IBTK: variants seen among roughly 807,000 people sequenced by gnomAD.
IBTK encodes BTK-binding protein.
A neutral mutation model predicts 154.9 loss-of-function variants in IBTK; 83 were observed. That is an observed-to-expected ratio of 0.54 (90% CI 0.45 to 0.64). IBTK has a LOEUF of 0.64. Ranked by LOEUF, IBTK falls within the 30% of genes least tolerant of loss-of-function variation. The pLI is 0.00. For synonymous variants in IBTK, 515 were observed against 536.1 expected (o/e 0.96, Z 0.54); for missense variants, 1,332 against 1,584.6 (o/e 0.84, Z 2.71).
At chr6:82,222,205 A>C (rs1206579145) in intron 8 of IBTK, among the ~76,000 whole-genome samples, 4 of 152,028 alleles carry the variant, frequency 2.6e-5, no homozygotes, top group Non-Finnish European at 5.9e-5. Context: ...TACTCAAAGA[A>C]GGTAAGTTTT....
chr6:82,207,914 T>C (rs953245310), intron 16 of IBTK, among the ~76,000 whole-genome samples: 1 of 151,922 alleles, frequency 6.6e-6, no homozygotes, highest in African/African-American at 2.4e-5. Context: ...TCACAACAAA[T>C]ACAAAAAATA....
chr6:82,227,278 C>A lies in IBTK; in HGVS notation c.568G>T (p.Val190Leu), dbSNP rs762945672. The change falls in exon 5 of 29, where the codon GTG (valine) becomes TTG (leucine). Residue 190 changes from valine (V) to leucine (L), a missense_variant. Physicochemically the swap from Val to Leu is conservative, Grantham distance 32. Transcript: ENST00000306270. ...KQVVLCKFHS[V>L]FLSQKGQVYT... ...ACCTGCCCTTTCTGAGACAGAAACA[C>A]GGAGTGAAATTTACAAAGCACCACC... The A allele has an allele frequency of 1.2e-6, 2 of 1,607,170 alleles. No individual in the cohort carries two copies. The highest frequency in any genetic ancestry group is 1.1e-5 in the South Asian group (1 of 89,556).
rs1267297180 is a variant in IBTK at position 82,214,404 on chromosome 6, T to G, written c.2027A>C (p.Asp676Ala). The change falls in exon 12 of 29, where the codon GAT becomes GCT. Residue 676 changes from aspartate to alanine, a missense_variant. Asp to Ala is a moderately radical substitution (Grantham distance 126). Transcript: ENST00000306270. ...TTCAAATGCAGACTTCTGGTTATCA[T>G]CTTCATGGAAATTCACTTTATTCAA... ...SHLNKVNFHE[D>A]DNQKSAFEVY... 5 of 1,613,910 alleles carry G rather than the reference T, an allele frequency of 3.1e-6. No individual in the cohort carries two copies. The highest frequency in any genetic ancestry group is 4.2e-6 in the Non-Finnish European group (5 of 1,179,932).
At position 82,181,909 on chromosome 6, in the gene IBTK, A is replaced by C. The variant is rs147509661; in HGVS notation, c.3695T>G (p.Ile1232Ser). ...DHVKKVSFKG[I>S]ENSQAPKIVR... ...AATTTTTGGTGCCTGAGAATTTTCA[A>C]TTCCTTTAAAAGAAACTTTTTTGAC... The change falls in exon 26 of 29, where the codon ATT becomes AGT. Residue 1232 changes from isoleucine (I) to serine (S), a missense_variant. This residue lies in a region of IBTK where 1,134 missense variants were observed against 1,274.7 expected (regional missense o/e 0.89). Transcript: ENST00000306270. The C allele has an allele frequency of 2.0e-5, 32 of 1,583,830 alleles. No homozygotes were observed. The African/African-American group carries it at 3.4e-4, about 17-fold the overall frequency.
chr6:82,197,926 C>A (rs1489949884), intron 21 of IBTK, among the ~76,000 whole-genome samples: 2 of 152,138 alleles, frequency 1.3e-5, no homozygotes, highest in Non-Finnish European at 2.9e-5. Context: ...CTTAACAGGT[C>A]TTTTTGGCCT....
At position 82,240,735 on chromosome 6, in the gene IBTK, CCA is replaced by C. The variant is rs774955692; in HGVS notation, c.-251_-250del. On this transcript the variant is annotated 5_prime_UTR_variant, in exon 2 of 29. Coordinates refer to ENST00000306270, the MANE Select transcript of IBTK (RefSeq NM_015525.4). ...TACAAGTTCTTCATTTAAAAAAATT[CCA>C]CAGTTTATAAATTATTCCTGGAGTC... 2.1e-6 allele frequency: 1 copy of C among 478,878 alleles called. No individual in the cohort carries two copies. The highest frequency in any genetic ancestry group is 4.7e-5 in the South Asian group (1 of 21,252). The allele number at this position is 478,878 out of a possible 1,614,324, so 29.7% of individuals were successfully genotyped here. A position where few individuals can be genotyped will look rare whatever the true frequency, so the allele number is the denominator to read the frequency against.
chr6:82,192,060 TATAA>T (rs1289810065), intron 23 of IBTK, among the ~76,000 whole-genome samples, 181 bp from the exon 24 acceptor site: 1 of 152,164 alleles, frequency 6.6e-6, no homozygotes, highest in Admixed American at 6.5e-5. Flanking sequence ...TATACACATA[TATAA>T]ATATTAACTA....
chr6:82,204,503 G>C (rs1477201128), intron 17 of IBTK, among the ~76,000 whole-genome samples: 1 of 151,962 alleles, frequency 6.6e-6, no homozygotes, highest in African/African-American at 2.4e-5. Context: ...GTAGAAAATG[G>C]GTAGCTAAAA....
In IBTK at chr6:82,223,441, T is replaced by C; in HGVS notation, c.1123A>G (p.Lys375Glu). The C allele has an allele frequency of 6.2e-7, 1 of 1,609,224 alleles. No homozygotes were observed. The highest frequency in any genetic ancestry group is 2.2e-5 in the East Asian group (1 of 44,790). The change falls in exon 8 of 29, where the codon AAA becomes GAA. Residue 375 changes from lysine (K) to glutamate (E), a missense_variant and splice_region_variant. Physicochemically the swap from Lys to Glu is moderately conservative, Grantham distance 56. Transcript: ENST00000306270. ...ADYQCKKMAS[K>E]QLNLKKVLVS... The stretch of plus-strand genomic sequence containing the variant: ...TTTCTTTCACAGAAATACACATACT[T>C]AGAAGCCATCTTCTTGCACTGATAG...
At chr6:82,244,997 T>C (rs1771091158) in intron 1 of IBTK, among the ~76,000 whole-genome samples, 1 of 152,106 alleles carries the variant, frequency 6.6e-6, no homozygotes, top group South Asian at 2.1e-4. Context: ...AAAATACAGG[T>C]TCATGGATAA....
Position 82,173,369 on chromosome 6 carries a change from G to A in IBTK, c.3795C>T (p.Pro1265=), listed in dbSNP as rs1767999860. 6.2e-7 allele frequency: 1 copy of A among 1,609,374 alleles called. No individual in the cohort carries two copies. Among genetic ancestry groups the A allele is most frequent in the African/African-American group, 1.3e-5 (1 of 74,764 alleles). Residue 1265 remains proline, a splice_region_variant and synonymous_variant, in exon 27 of 29, where the codon CCC becomes CCT. Coordinates refer to ENST00000306270, the MANE Select transcript of IBTK (RefSeq NM_015525.4). Reference sequence around the variant, plus strand: ...CATAACTTATCAATTAACCTTACTTGGGACTGTCTAGAAGTGGTAAATCTG... The same window carrying A: ...CATAACTTATCAATTAACCTTACTTAGGACTGTCTAGAAGTGGTAAATCTG... ...HISDLPLLDS[P]NPWLSSSVTA... is the part of the protein sequence containing the mutation.
chr6:82,229,356 C>A (rs145904368), intron 4 of IBTK, among the ~76,000 whole-genome samples: 172 of 152,248 alleles, frequency 1.1e-3, no homozygotes, highest in African/African-American at 4.0e-3. Flanking sequence ...TTCTTTGGAT[C>A]AGACATTTCA....
chr6:82,230,764 T>C (rs1017311584), intron 4 of IBTK, among the ~76,000 whole-genome samples: 1 of 152,128 alleles, frequency 6.6e-6, no homozygotes, highest in Non-Finnish European at 1.5e-5. Flanking sequence ...GAGATACACA[T>C]ACATACACAC....
At chr6:82,204,548 A>G (rs1769325082) in intron 17 of IBTK, among the ~76,000 whole-genome samples, 1 of 152,210 alleles carries the variant, frequency 6.6e-6, no homozygotes, top group Non-Finnish European at 1.5e-5. Context: ...AGAGTACAAA[A>G]ATTTCACTTT....
At chr6:82,243,029 C>G (rs1582265997) in intron 1 of IBTK, among the ~76,000 whole-genome samples, 3 of 152,198 alleles carry the variant, frequency 2.0e-5, no homozygotes, top group Middle Eastern at 6.8e-3. Context: ...ATCACGAGGT[C>G]AGGAGATCAA....
rs1408320961 is a variant in IBTK, at chr6:82,218,101, G to A, written c.1285C>T (p.Gln429Ter). 1.3e-6 allele frequency: 2 copies of A among 1,591,530 alleles called. No individual in the cohort carries two copies. The highest frequency in any genetic ancestry group is 1.7e-6 in the Non-Finnish European group (2 of 1,171,106). ...CWRSVNSSLK[Q>*]CRWAYPRQVF... ...TGACGTGGATAGGCCCATCGACACT[G>A]CTTCAGAGAACTGTTGACTGATCTC... Residue 429 changes from glutamine (Q) to a stop codon, truncating the protein, a stop_gained, in exon 10 of 29, where the codon CAG (glutamine) becomes TAG (stop). Transcript: ENST00000306270. LOFTEE classifies it high-confidence loss of function.
chr6:82,228,109 T>C (rs1770364117), intron 4 of IBTK, among the ~76,000 whole-genome samples: 1 of 152,110 alleles, frequency 6.6e-6, no homozygotes, highest in Non-Finnish European at 1.5e-5. Context: ...CTGATATTCA[T>C]TATACTCACT....
Position 82,212,790 on chromosome 6 carries a change from TA to T in IBTK, c.2207del (p.Leu736Ter). 1 of 1,539,734 alleles carries T rather than the reference TA, an allele frequency of 6.5e-7. No homozygotes were observed. ...KFDFSNLSSR[L>X]DGVRFENEKI... The stretch of plus-strand genomic sequence containing the variant: ...TTTCATTTTCAAATCTGACTCCATC[TA>T]ACCTATCAAGGATAGATAAAAATTA... On this transcript the variant is annotated frameshift_variant and splice_region_variant, in exon 13 of 29. Transcript: ENST00000306270. LOFTEE classifies it high-confidence loss of function.
intron 25 of IBTK, among the ~76,000 whole-genome samples, chr6:82,185,199 A>C (rs1258741161): frequency 6.6e-6 from 1 of 151,168 alleles, no homozygotes; most frequent in East Asian, 1.9e-4. Context: ...AAAAAAAAAA[A>C]AAAAAAACAG....
Sources: gnomAD v4.1 joint callset for allele counts (sites outside exome capture counted in the v4.1 genomes callset) on GRCh38, gnomAD v4.1.1 for gene constraint, gnomAD v4.1.1 regional missense constraint, MANE v1.5 for transcripts, NCBI Gene and HGNC (gene_info 2026-07-23, HGNC 2026-07-21) for gene names.